ESR1: variants seen among roughly 807,000 people sequenced by gnomAD.
The protein encoded by ESR1 is estrogen receptor.
ESR1 carries 12 observed loss-of-function variants against 52.7 expected under a neutral mutation model. The observed-to-expected ratio is 0.23, with a 90% CI of 0.15 to 0.37. The LOEUF (loss-of-function observed/expected upper bound fraction) is 0.37, where lower values mean the gene tolerates loss of function less well. Ranked by LOEUF, ESR1 falls within the 10% of genes least tolerant of loss-of-function variation. The pLI is 1.00. For missense variants in ESR1, 584 were observed against 779.7 expected (o/e 0.75, Z 2.99); for synonymous variants, 305 against 316.8 (o/e 0.96, Z 0.39).
At chr6:151,971,361 G>A (rs372053385) in intron 4 of ESR1, among the ~76,000 whole-genome samples, 5 of 151,714 alleles carry the variant, frequency 3.3e-5, no homozygotes, top group Admixed American at 1.3e-4. Context: ...CCTTTCTCCC[G>A]AGTCCCCAAA....
chr6:151,954,950 C>T (rs989552850), intron 4 of ESR1, among the ~76,000 whole-genome samples: 4 of 152,144 alleles, frequency 2.6e-5, no homozygotes, highest in Admixed American at 6.5e-5. Flanking sequence ...TACATTGGGT[C>T]TGTGGAAGTG....
intron 2 of ESR1, among the ~76,000 whole-genome samples, chr6:151,708,813 G>A (rs146701456): frequency 3.9e-5 from 6 of 151,902 alleles, no homozygotes; most frequent in African/African-American, 7.3e-5. Flanking sequence ...TTAAAAACTG[G>A]CAGATAAAGT....
intron 3 of ESR1, among the ~76,000 whole-genome samples, chr6:151,916,105 T>C (rs1333206768): frequency 2.0e-5 from 3 of 152,184 alleles, no homozygotes. Context: ...GAAAAGTGGA[T>C]AAGATCTTGT....
downstream of ESR1, among the ~76,000 whole-genome samples, chr6:152,106,781 T>C (rs117280544): frequency 2.0e-5 from 3 of 152,238 alleles, no homozygotes; most frequent in East Asian, 5.8e-4. Context: ...TATTTATTTA[T>C]TTATTGTAGA....
intron 4 of ESR1, among the ~76,000 whole-genome samples, chr6:152,007,881 G>T (rs2042455084): frequency 6.6e-6 from 1 of 152,090 alleles, no homozygotes; most frequent in Non-Finnish European, 1.5e-5. Flanking sequence ...CTAGTGTTCA[G>T]GAGAGAACAG....
chr6:152,109,414 C>T (rs2051104796), intron 6 of ESR1, among the ~76,000 whole-genome samples: 1 of 151,916 alleles, frequency 6.6e-6, no homozygotes, highest in African/African-American at 2.4e-5. Context: ...ACCTGTAATC[C>T]CAGCACTTTG....
chr6:151,850,582 AAT>A (rs1367916765), intron 2 of ESR1, among the ~76,000 whole-genome samples: 2 of 151,984 alleles, frequency 1.3e-5, no homozygotes, highest in African/African-American at 2.4e-5. Flanking sequence ...CAGCTGCACC[AAT>A]ATCTCCCAAA....
rs2128155569 is a variant in ESR1, at chr6:151,807,995, G to C, written c.83G>C (p.Arg28Pro). ...GGGAACGAGCTGGAGCCCCTGAACC[G>C]TCCGCAGCTCAAGATCCCCCTGGAG... ...IQGNELEPLN[R>P]PQLKIPLERP... The change falls in exon 1 of 8, where the codon CGT (arginine) becomes CCT (proline). Residue 28 changes from arginine to proline, a missense_variant. By Grantham distance (103) the Arg-to-Pro change is moderately radical. This residue lies in a region of ESR1 where 251 missense variants were observed against 246.1 expected (regional missense o/e 1.02). Coordinates refer to ENST00000206249, the MANE Select transcript of ESR1 (RefSeq NM_000125.4). The C allele has an allele frequency of 6.2e-7, 1 of 1,613,898 alleles. No homozygotes were observed. The highest frequency in any genetic ancestry group is 8.5e-7 in the Non-Finnish European group (1 of 1,179,946).
chr6:151,968,879 C>T lies in ESR1; in HGVS notation c.1096+24371C>T, dbSNP rs540433332. ...CTGTGCCAGGTCCTGGTCAGAGCTG[C>T]CGTCTTGATTTATTTGTATCCCTCT... On this transcript the variant is annotated intron_variant, in intron 4 of 7. Coordinates refer to ENST00000206249, the MANE Select transcript of ESR1 (RefSeq NM_000125.4). Among the ~76,000 whole-genome samples the T allele has an allele frequency of 2.5e-4, 38 of 152,208 alleles. 1 individual carries two copies. Among genetic ancestry groups the T allele is most frequent in the African/African-American group, 9.2e-4 (38 of 41,528 alleles).
intron 6 of ESR1, among the ~76,000 whole-genome samples, chr6:152,081,624 T>A (rs1309755770): frequency 6.6e-6 from 1 of 150,578 alleles, no homozygotes; most frequent in East Asian, 2.0e-4. Flanking sequence ...ATAACTGAGA[T>A]CAGAGCAGAA....
At chr6:151,827,011 G>A (rs1386262480) in intron 1 of ESR1, among the ~76,000 whole-genome samples, 2 of 152,126 alleles carry the variant, frequency 1.3e-5, no homozygotes, top group African/African-American at 4.8e-5. Flanking sequence ...ACAGAGGCCA[G>A]CATGGCTGGC....
intron 1 of ESR1, among the ~76,000 whole-genome samples, chr6:151,694,598 GC>G (rs2115369755): frequency 6.6e-6 from 1 of 152,220 alleles, no homozygotes; most frequent in Non-Finnish European, 1.5e-5. Flanking sequence ...GACCAGCCTG[GC>G]CAACACGGTG....
At position 151,986,877 on chromosome 6, in the gene ESR1, T is replaced by C. The variant is rs553970463; in HGVS notation, c.1097-24779T>C. 7.2e-5 allele frequency among the ~76,000 whole-genome samples: 11 copies of C among 152,204 alleles called. No individual in the cohort carries two copies. In the East Asian group the frequency reaches 1.4e-3, roughly 19 times the overall value. ...TTTCTCTGCCTCTCAGTTTTTGTTG[T>C]ATGCTCACGGAGTATGTGTGTGAGC... On this transcript the variant is annotated intron_variant, in intron 4 of 7. Transcript: ENST00000206249.
chr6:151,703,353 A>C (rs1049474489), intron 2 of ESR1, among the ~76,000 whole-genome samples: 4 of 152,172 alleles, frequency 2.6e-5, no homozygotes, highest in Non-Finnish European at 5.9e-5. Context: ...CTGGAGGTGC[A>C]TGTGGAACCC....
intron 3 of ESR1, among the ~76,000 whole-genome samples, chr6:151,928,819 T>TAC (rs113630158): frequency 5.9e-5 from 9 of 152,276 alleles, no homozygotes; most frequent in African/African-American, 1.9e-4. Flanking sequence ...CTTTGACTCA[T>TAC]ACGTTCTTTA....
rs148736227 is a variant in ESR1 at position 151,957,354 on chromosome 6, T to G, written c.1096+12846T>G. 7.3e-3 allele frequency among the ~76,000 whole-genome samples: 1,117 copies of G among 152,274 alleles called. 18 individuals are homozygous for G. The highest frequency in any genetic ancestry group is 0.024 in the African/African-American group (994 of 41,538). Reference sequence around the variant, plus strand: ...ATTACATAACTATACAAAAAAATCATGAGAGAGCCTGGAATTTTGCAAAAC... The same window carrying G: ...ATTACATAACTATACAAAAAAATCAGGAGAGAGCCTGGAATTTTGCAAAAC... On this transcript the variant is annotated intron_variant, in intron 4 of 7. Coordinates refer to ENST00000206249, the MANE Select transcript of ESR1 (RefSeq NM_000125.4).
intron 2 of ESR1, among the ~76,000 whole-genome samples, chr6:151,852,434 A>C (rs1186847183): frequency 6.6e-6 from 1 of 152,184 alleles, no homozygotes; most frequent in Non-Finnish European, 1.5e-5. Context: ...ACCTTGTAAG[A>C]AACACTCTTA....
intron 4 of ESR1, among the ~76,000 whole-genome samples, chr6:152,002,977 GA>G (rs1333604299): frequency 2.0e-5 from 3 of 151,916 alleles, no homozygotes; most frequent in Admixed American, 1.3e-4. Context: ...TGAGGGTGGG[GA>G]TGGGTTTTTT....
chr6:151,954,864 A>G (rs2036724674), intron 4 of ESR1, among the ~76,000 whole-genome samples: 1 of 152,194 alleles, frequency 6.6e-6, no homozygotes, highest in Non-Finnish European at 1.5e-5. Flanking sequence ...TCAGAGATAT[A>G]ACCTGAAAAA....
Sources: allele counts gnomAD v4.1 joint callset (sites outside exome capture counted in the v4.1 genomes callset), GRCh38; gene constraint gnomAD v4.1.1; regional missense constraint gnomAD v4.1.1; transcripts MANE v1.5; gene names NCBI Gene and HGNC (gene_info 2026-07-23, HGNC 2026-07-21).